The following EYS variants were observed in gnomAD, a reference collection of about 807,000 sequenced individuals.
EYS encodes the protein protein eyes shut homolog.
Under a neutral mutation model 282.1 loss-of-function variants are expected in EYS, and 250 were observed. The observed-to-expected ratio is 0.89, with a 90% CI of 0.80 to 0.98. The LOEUF (loss-of-function observed/expected upper bound fraction) is 0.98. Ranked by LOEUF, EYS falls within the 50% of genes least tolerant of loss-of-function variation. The probability of loss-of-function intolerance (pLI) is 0.00; values close to 1 mark genes in which losing one functional copy is unlikely to be tolerated. For synonymous variants in EYS, 1,355 were observed against 1,282.9 expected (o/e 1.06, Z -1.20); for missense variants, 4,016 against 3,709.0 (o/e 1.08, Z -2.15).
intron 22 of EYS, among the ~76,000 whole-genome samples, chr6:64,660,997 G>T (rs1056306933): frequency 2.0e-5 from 3 of 152,052 alleles, no homozygotes; most frequent in African/African-American, 7.2e-5. Flanking sequence ...ATACTACAAG[G>T]CTACAGTAAC....
At chr6:64,521,566 T>G (rs1030039666) in intron 26 of EYS, among the ~76,000 whole-genome samples, 2 of 151,682 alleles carry the variant, frequency 1.3e-5, no homozygotes, top group African/African-American at 4.8e-5. Context: ...GCTCCTTCTA[T>G]TCTGCCTTCC....
intron 22 of EYS, 52 bp from the exon 23 acceptor site, chr6:64,626,297 T>C: frequency 1.3e-6 from 2 of 1,487,958 alleles, no homozygotes; most frequent in Non-Finnish European, 8.9e-7. Flanking sequence ...ACATGAGCAC[T>C]ATCACTTTTC....
In EYS at chr6:64,815,376, T is replaced by C. The variant is rs1764717403; in HGVS notation, c.3244-1799A>G. On this transcript the variant is annotated intron_variant, in intron 21 of 42. Transcript: ENST00000503581. Reference sequence around the variant, plus strand: ...ACTCTGTTTCTAGATATGTATAGAATGATTTATTAGAAAACATTACATAAA... The same window carrying C: ...ACTCTGTTTCTAGATATGTATAGAACGATTTATTAGAAAACATTACATAAA... The C allele has an allele frequency of 1.3e-5, 3 of 228,828 alleles. No individual in the cohort carries two copies. In the Admixed American group the frequency reaches 1.8e-4, roughly 13 times the overall value. 14.2% of individuals were successfully genotyped at this position (228,828 alleles called of 1,614,324 possible).
At chr6:64,954,442 A>G (rs184484466) in intron 14 of EYS, among the ~76,000 whole-genome samples, 3 of 152,258 alleles carry the variant, frequency 2.0e-5, no homozygotes, top group Admixed American at 1.3e-4. Context: ...ATATAGTCTA[A>G]TACCCAAAGC....
At chr6:63,986,795 G>GT (rs1303741589) in intron 34 of EYS, among the ~76,000 whole-genome samples, 1 of 151,684 alleles carries the variant, frequency 6.6e-6, no homozygotes, top group African/African-American at 2.4e-5. Context: ...AGGGTAGGAG[G>GT]AGGTAGGGGA....
intron 12 of EYS, among the ~76,000 whole-genome samples, chr6:65,109,271 G>A (rs1317667015): frequency 6.6e-6 from 1 of 151,798 alleles, no homozygotes; most frequent in Non-Finnish European, 1.5e-5. Flanking sequence ...TTGAACCTAT[G>A]CTATGTGTTC....
At chr6:64,212,068 G>T (rs1765797217) in intron 31 of EYS, among the ~76,000 whole-genome samples, 1 of 151,820 alleles carries the variant, frequency 6.6e-6, no homozygotes, top group Admixed American at 6.6e-5. Flanking sequence ...GTGAGCCAAG[G>T]TCGCACCACT....
chr6:65,489,212 T>A (rs1336353463), intron 5 of EYS: 1 of 151,918 alleles, frequency 6.6e-6, no homozygotes, highest in Non-Finnish European at 1.5e-5. Flanking sequence ...GGGAGAAAAA[T>A]TTTGCAATCT....
At chr6:64,377,673 A>G (rs983336812) in intron 29 of EYS, 1 of 152,176 alleles carries the variant, frequency 6.6e-6, no homozygotes, top group Non-Finnish European at 1.5e-5. Context: ...ATAATTTTAT[A>G]AAGGCATTTT....
At chr6:65,565,676 T>C (rs1166091269) in intron 2 of EYS, among the ~76,000 whole-genome samples, 1 of 152,052 alleles carries the variant, frequency 6.6e-6, no homozygotes, top group Non-Finnish European at 1.5e-5. Context: ...CTGTTCACAA[T>C]AGCAAAGACT....
intron 12 of EYS, among the ~76,000 whole-genome samples, chr6:65,290,349 A>G (rs187626123): frequency 6.6e-6 from 1 of 151,268 alleles, no homozygotes; most frequent in East Asian, 1.9e-4. Context: ...AAGTCTAACT[A>G]TTATAAGAGA....
chr6:64,516,551 G>T (rs1777564905), intron 26 of EYS, among the ~76,000 whole-genome samples: 1 of 151,678 alleles, frequency 6.6e-6, no homozygotes, highest in Admixed American at 6.6e-5. Context: ...AACAAATAAT[G>T]AATCATCTTA....
At chr6:63,848,041 G>A (rs1772144962) in intron 36 of EYS, among the ~76,000 whole-genome samples, 1 of 152,132 alleles carries the variant, frequency 6.6e-6, no homozygotes, top group Admixed American at 6.5e-5. Flanking sequence ...ACAGCACAGA[G>A]AAGGGAGTAA....
intron 29 of EYS, among the ~76,000 whole-genome samples, chr6:64,330,796 A>G (rs1770616734): frequency 6.6e-6 from 1 of 152,148 alleles, no homozygotes; most frequent in African/African-American, 2.4e-5. Flanking sequence ...TTAAGATATC[A>G]AGGACTTTTT....
intron 26 of EYS, among the ~76,000 whole-genome samples, chr6:64,503,279 G>A (rs150037402): frequency 3.2e-4 from 48 of 152,130 alleles, no homozygotes; most frequent in African/African-American, 1.1e-3. Context: ...AGAGTCCTTG[G>A]GATGTATTTT....
chr6:65,523,905 C>T (rs1042172209), intron 2 of EYS, among the ~76,000 whole-genome samples: 6 of 152,186 alleles, frequency 3.9e-5, no homozygotes, highest in African/African-American at 1.4e-4. Context: ...GAGTCTCACT[C>T]TTGTCGCCTA....
chr6:65,005,202 C>G (rs552087329), intron 13 of EYS, among the ~76,000 whole-genome samples: 6 of 147,936 alleles, frequency 4.1e-5, no homozygotes, highest in African/African-American at 1.5e-4. Flanking sequence ...CCTGATCCAG[C>G]GAGGCGCCCA....
chr6:64,433,993 A>G (rs750565538), intron 28 of EYS, among the ~76,000 whole-genome samples: 1 of 152,032 alleles, frequency 6.6e-6, no homozygotes, highest in Non-Finnish European at 1.5e-5. Flanking sequence ...CAAAATTCAT[A>G]TGTTGATGCC....
chr6:64,802,484 A>G (rs1764277007), intron 22 of EYS, among the ~76,000 whole-genome samples: 1 of 152,170 alleles, frequency 6.6e-6, no homozygotes, highest in South Asian at 2.1e-4. Flanking sequence ...CCTATAAATA[A>G]ATACTGTAAG....
Sources: allele counts gnomAD v4.1 joint callset (sites outside exome capture counted in the v4.1 genomes callset), GRCh38; gene constraint gnomAD v4.1.1; transcripts MANE v1.5; gene names NCBI Gene and HGNC (gene_info 2026-07-23, HGNC 2026-07-21).